The following SLC14A2 variants were observed in gnomAD, a reference collection of about 807,000 sequenced individuals.
SLC14A2 encodes the protein urea transporter 2.
SLC14A2 carries 91 observed loss-of-function variants against 104.6 expected under a neutral mutation model. The observed-to-expected ratio is 0.87, with a 90% CI of 0.73 to 1.04. The LOEUF (loss-of-function observed/expected upper bound fraction) is 1.04, where lower values mean the gene tolerates loss of function less well. Ranked by LOEUF, SLC14A2 falls within the 50% of genes least tolerant of loss-of-function variation. The probability of loss-of-function intolerance (pLI) is 0.00; values close to 1 mark genes in which losing one functional copy is unlikely to be tolerated. For synonymous variants in SLC14A2, 476 were observed against 466.4 expected (o/e 1.02, Z -0.27); for missense variants, 1,189 against 1,156.0 (o/e 1.03, Z -0.41).
At chr18:45,206,816 CATTAACAG>C in the SLC14A2 span, among the ~76,000 whole-genome samples, 1 of 152,094 alleles carries the variant, frequency 6.6e-6, no homozygotes, top group Non-Finnish European at 1.5e-5. Context: ...TGACTTGATC[CATTAACAG>C]ATCAGCAGTC....
At chr18:45,651,335 A>C (rs532768069) in intron 10 of SLC14A2, among the ~76,000 whole-genome samples, 2 of 152,142 alleles carry the variant, frequency 1.3e-5, no homozygotes, top group Non-Finnish European at 2.9e-5. Context: ...CTGGAGCACC[A>C]TCATCTCACA....
chr18:45,647,956 G>C (rs962744270), intron 10 of SLC14A2: 1 of 151,840 alleles, frequency 6.6e-6, no homozygotes, highest in Non-Finnish European at 1.5e-5. Flanking sequence ...AAATTGATTT[G>C]TTAATTGTAT....
At chr18:45,367,285 T>C (rs934489953) in intron 1 of SLC14A2, among the ~76,000 whole-genome samples, 1 of 152,198 alleles carries the variant, frequency 6.6e-6, no homozygotes, top group Non-Finnish European at 1.5e-5. Flanking sequence ...ATTTGGAGGA[T>C]GCTACCGAGA....
At chr18:45,661,143 C>T (rs964307415) in intron 10 of SLC14A2, among the ~76,000 whole-genome samples, 1 of 152,206 alleles carries the variant, frequency 6.6e-6, no homozygotes. Context: ...GAGCCACTGG[C>T]CTTCTGTAGC....
At chr18:45,173,327 G>A in the SLC14A2 span, among the ~76,000 whole-genome samples, 1 of 152,060 alleles carries the variant, frequency 6.6e-6, no homozygotes, top group Non-Finnish European at 1.5e-5. Context: ...ACATGAATGA[G>A]ACATCATATA....
At chr18:45,481,614 T>G (rs2087494800) in intron 1 of SLC14A2, among the ~76,000 whole-genome samples, 1 of 152,190 alleles carries the variant, frequency 6.6e-6, no homozygotes, top group Admixed American at 6.5e-5. Context: ...AAAAATCTAT[T>G]GAATTCAGTT....
At chr18:45,613,510 A>G (rs560620044), upstream of SLC14A2, among the ~76,000 whole-genome samples, 50 of 152,328 alleles carry the variant, frequency 3.3e-4, no homozygotes, top group Admixed American at 2.8e-3. Context: ...GGAACTTCCT[A>G]AAGACTTGCT....
At chr18:45,577,568 C>G (rs1236180910) in intron 2 of SLC14A2, among the ~76,000 whole-genome samples, 1 of 152,150 alleles carries the variant, frequency 6.6e-6, no homozygotes, top group African/African-American at 2.4e-5. Context: ...AACCCAGAAG[C>G]CTTTGACTCA....
chr18:45,671,550 A>G (rs576921806), intron 16 of SLC14A2, among the ~76,000 whole-genome samples: 61 of 151,808 alleles, frequency 4.0e-4, no homozygotes, highest in Non-Finnish European at 7.5e-4. Context: ...TGAGGACAAA[A>G]CTGCCCATGC....
chr18:45,613,887 G>A (rs866438661), upstream of SLC14A2, among the ~76,000 whole-genome samples: 2 of 152,328 alleles, frequency 1.3e-5, no homozygotes, highest in African/African-American at 2.4e-5. Flanking sequence ...ACGATGTGAT[G>A]GAAAGAAAAA....
intron 1 of SLC14A2, among the ~76,000 whole-genome samples, chr18:45,618,591 C>G (rs2045110118): frequency 7.0e-6 from 1 of 143,716 alleles, no homozygotes; most frequent in Non-Finnish European, 1.5e-5. Context: ...ATTGCTTGAA[C>G]CTGGGAGGAG....
At chr18:45,584,770 T>C (rs1348652688) in intron 2 of SLC14A2, among the ~76,000 whole-genome samples, 2 of 152,226 alleles carry the variant, frequency 1.3e-5, no homozygotes, top group Non-Finnish European at 2.9e-5. Context: ...ATTTGGCCTA[T>C]GCTTCTATAA....
At chr18:45,270,362 AG>A (rs1316686230) in intron 1 of SLC14A2, among the ~76,000 whole-genome samples, 1 of 152,184 alleles carries the variant, frequency 6.6e-6, no homozygotes, top group Non-Finnish European at 1.5e-5. Flanking sequence ...ACAGGAAGGC[AG>A]GAAAGAACTA....
chr18:45,397,803 T>G (rs777303214), intron 1 of SLC14A2, among the ~76,000 whole-genome samples: 1 of 152,150 alleles, frequency 6.6e-6, no homozygotes, highest in Admixed American at 6.5e-5. Context: ...AGTCATAGTT[T>G]CCACATTAGA....
At chr18:45,362,281 G>A (rs984737067) in intron 1 of SLC14A2, among the ~76,000 whole-genome samples, 26 of 152,162 alleles carry the variant, frequency 1.7e-4, no homozygotes, top group Non-Finnish European at 3.2e-4. Context: ...GCAGTCTCAG[G>A]TAGTTCTTTA....
At chr18:45,517,455 G>A (rs953107763) in intron 2 of SLC14A2, among the ~76,000 whole-genome samples, 1 of 152,188 alleles carries the variant, frequency 6.6e-6, no homozygotes, top group South Asian at 2.1e-4. Context: ...GAAGTGACAT[G>A]CTGTTTTCTG....
At chr18:45,632,590 C>A in intron 5 of SLC14A2, 112 bp downstream of exon 5, 1 of 1,186,774 alleles carries the variant, frequency 8.4e-7, no homozygotes, top group Non-Finnish European at 1.2e-6. Context: ...CCTTCATAGC[C>A]AAGTTAGCTT....
chr18:45,206,857 T>A, the SLC14A2 span, among the ~76,000 whole-genome samples: 5 of 152,104 alleles, frequency 3.3e-5, no homozygotes, highest in Non-Finnish European at 7.4e-5. Context: ...ATCCCAAAAA[T>A]CAGAACCTGT....
intron 1 of SLC14A2, among the ~76,000 whole-genome samples, chr18:45,617,944 A>T (rs981994112): frequency 6.6e-6 from 1 of 152,178 alleles, no homozygotes; most frequent in Non-Finnish European, 1.5e-5. Context: ...ACTGCCCTAG[A>T]AAAATGAAGG....
Sources: allele counts gnomAD v4.1 joint callset (sites outside exome capture counted in the v4.1 genomes callset), GRCh38; gene constraint gnomAD v4.1.1; transcripts MANE v1.5; gene names NCBI Gene and HGNC (gene_info 2026-07-23, HGNC 2026-07-21).